The following LSM3 variants were observed in gnomAD, a reference collection of about 807,000 sequenced individuals.
The protein encoded by LSM3 is U6 snRNA-associated Sm-like protein LSm3.
In LSM3, 14 loss-of-function variants were observed where a neutral mutation model predicts 15.4. The ratio of observed to expected loss-of-function variants is 0.91; its 90% CI spans 0.60 to 1.42. The LOEUF (loss-of-function observed/expected upper bound fraction) is 1.42. Ranked by LOEUF, LSM3 falls within the 40% of genes most tolerant of loss-of-function variation. The pLI is 0.00. For missense variants in LSM3, 88 were observed against 127.9 expected (o/e 0.69, Z 1.50); for synonymous variants, 46 against 45.1 (o/e 1.02, Z -0.08).
chr3:14,181,695 T>C, intron 2 of LSM3, 25 bp downstream of exon 2: 1 of 1,484,846 alleles, frequency 6.7e-7, no homozygotes, highest in African/African-American at 1.4e-5. Flanking sequence ...CAAGTTACCT[T>C]GAAATCAGAT....
chr3:14,198,262 T>C lies in LSM3; in HGVS notation c.*146T>C. 1 of 631,292 alleles carries C rather than the reference T, an allele frequency of 1.6e-6. No homozygotes were observed. The highest frequency in any genetic ancestry group is 2.8e-6 in the Non-Finnish European group (1 of 358,590). 39.1% of individuals were successfully genotyped at this position (631,292 alleles called of 1,614,324 possible). On this transcript the variant is annotated 3_prime_UTR_variant, in exon 4 of 4. Coordinates refer to ENST00000306024, the MANE Select transcript of LSM3 (RefSeq NM_014463.3). ...TCTTCCACTCCTGAAATGAGTTGAT[T>C]TGCAGATAACTCACAACTTCTTAAG...
intron 3 of LSM3, among the ~76,000 whole-genome samples, chr3:14,196,208 C>T (rs950989074): frequency 5.9e-5 from 9 of 152,058 alleles, no homozygotes; most frequent in African/African-American, 2.2e-4. Context: ...CCACCTGCCT[C>T]ATCCTCCTAA....
intron 1 of LSM3, among the ~76,000 whole-genome samples, chr3:14,180,729 A>T (rs1007372155): frequency 1.3e-5 from 2 of 148,774 alleles, no homozygotes; most frequent in Non-Finnish European, 3.0e-5. Flanking sequence ...AGAATTACAG[A>T]TGGCATGATT....
At chr3:14,179,080 A>G (rs1019248414) in intron 1 of LSM3, among the ~76,000 whole-genome samples, 199 bp downstream of exon 1, 2 of 152,178 alleles carry the variant, frequency 1.3e-5, no homozygotes, top group African/African-American at 4.8e-5. Flanking sequence ...CCTGATGACT[A>G]TTCTCACACT....
chr3:14,188,947 C>A (rs1346041093), intron 3 of LSM3, among the ~76,000 whole-genome samples: 1 of 152,170 alleles, frequency 6.6e-6, no homozygotes, highest in Non-Finnish European at 1.5e-5. Context: ...TGTTATCCCT[C>A]CCCTAGCCTC....
In LSM3 at chr3:14,181,583, G is replaced by T; in HGVS notation, c.45G>T (p.Glu15Asp). 6.2e-7 allele frequency: 1 copy of T among 1,613,172 alleles called. No individual in the cohort carries two copies. ...AGCAACAAACTACCAACACTGTAGAGGAGCCCCTGGATCTTATCAGGCTCA... is the reference window on the plus strand; with the variant it reads ...AGCAACAAACTACCAACACTGTAGATGAGCCCCTGGATCTTATCAGGCTCA... ...VDQQQTTNTV[E>D]EPLDLIRLSL... is the part of the protein sequence containing the mutation. Residue 15 changes from glutamate (E) to aspartate (D), a missense_variant, in exon 2 of 4, where the codon GAG (glutamate) becomes GAT (aspartate). Transcript: ENST00000306024.
chr3:14,200,458 A>G lies in LSM3; in HGVS notation c.*2342A>G, dbSNP rs1228693228. On this transcript the variant is annotated 3_prime_UTR_variant, in exon 4 of 4. Coordinates refer to ENST00000306024, the MANE Select transcript of LSM3 (RefSeq NM_014463.3). ...CCTTGGACTTCTGAGTCTGCAGAGCACTCGGCTCCAGCCAGCTGGATGGCA... is the reference window on the plus strand; with the variant it reads ...CCTTGGACTTCTGAGTCTGCAGAGCGCTCGGCTCCAGCCAGCTGGATGGCA... 1.3e-5 allele frequency: 2 copies of G among 152,290 alleles called. No homozygotes were observed. Among genetic ancestry groups the G allele is most frequent in the Non-Finnish European group, 2.9e-5 (2 of 68,180 alleles). 9.4% of individuals were successfully genotyped at this position (152,290 alleles called of 1,614,324 possible).
Position 14,199,477 on chromosome 3 carries a change from C to T in LSM3, c.*1361C>T, listed in dbSNP as rs1234082251. 3 of 152,296 alleles carry T rather than the reference C, an allele frequency of 2.0e-5. No individual in the cohort carries two copies. The highest frequency in any genetic ancestry group is 3.9e-4 in the East Asian group (2 of 5,182). The allele number at this position is 152,296 out of a possible 1,614,324, so 9.4% of individuals were successfully genotyped here. A position where few individuals can be genotyped will look rare whatever the true frequency, so the allele number is the denominator to read the frequency against. On this transcript the variant is annotated 3_prime_UTR_variant, in exon 4 of 4. Coordinates refer to ENST00000306024, the MANE Select transcript of LSM3 (RefSeq NM_014463.3). ...CAAGCACGATATGCTCACAAATGCA[C>T]AGTACTTTAAGCCTTGTGCAAGAAA...
At chr3:14,192,769 C>T (rs1299786730) in intron 3 of LSM3, among the ~76,000 whole-genome samples, 10 of 152,148 alleles carry the variant, frequency 6.6e-5, no homozygotes, top group Non-Finnish European at 1.0e-4. Context: ...GCATTTAGCC[C>T]GTTTACATTT....
rs116020160 is a variant in LSM3 at position 14,191,179 on chromosome 3, G to C, written c.229-6857G>C. 2.0e-3 allele frequency among the ~76,000 whole-genome samples: 309 copies of C among 152,262 alleles called. 1 individual carries two copies. The highest frequency in any genetic ancestry group is 6.9e-3 in the African/African-American group (288 of 41,530). ...GCTTTTTGAGGTGCTGCTGGGTTCA[G>C]CTTGCCAGTATTTTATTGAGGATTT... On this transcript the variant is annotated intron_variant, in intron 3 of 3. Transcript: ENST00000306024.
At chr3:14,186,273 A>G (rs1048569175) in intron 3 of LSM3, among the ~76,000 whole-genome samples, 4 of 152,256 alleles carry the variant, frequency 2.6e-5, no homozygotes, top group African/African-American at 9.6e-5. Flanking sequence ...CTCAGAGTAC[A>G]AGACTACATG....
chr3:14,190,311 T>G (rs1265639128), intron 3 of LSM3, among the ~76,000 whole-genome samples: 5 of 152,162 alleles, frequency 3.3e-5, no homozygotes, highest in African/African-American at 4.8e-5. Context: ...TTTAAAGTAG[T>G]TTTTTTCAAT....
intron 2 of LSM3, 50 bp downstream of exon 2, chr3:14,181,720 A>G (rs1367715793): frequency 4.6e-6 from 6 of 1,306,852 alleles, no homozygotes; most frequent in Admixed American, 3.4e-5. Context: ...TCCTACCCCC[A>G]CTCCCTTGAA....
chr3:14,179,411 A>G (rs761207111), intron 1 of LSM3, among the ~76,000 whole-genome samples: 1 of 152,222 alleles, frequency 6.6e-6, no homozygotes, highest in Non-Finnish European at 1.5e-5. Flanking sequence ...GAAACAAGGA[A>G]CTGGTATGCA....
At chr3:14,194,315 C>T (rs1697168600) in intron 3 of LSM3, among the ~76,000 whole-genome samples, 2 of 152,194 alleles carry the variant, frequency 1.3e-5, no homozygotes, top group South Asian at 2.1e-4. Context: ...TCTTCAGAGC[C>T]GTCAGGCAGA....
At chr3:14,189,101 C>T (rs890291747) in intron 3 of LSM3, among the ~76,000 whole-genome samples, 1 of 152,108 alleles carries the variant, frequency 6.6e-6, no homozygotes, top group Admixed American at 6.6e-5. Flanking sequence ...TGGTTTCCAG[C>T]TTCATCCATG....
chr3:14,186,928 G>A (rs1697095061), intron 3 of LSM3, among the ~76,000 whole-genome samples: 1 of 152,234 alleles, frequency 6.6e-6, no homozygotes, highest in African/African-American at 2.4e-5. Context: ...TATGGAATAT[G>A]TGGCTTTAAT....
chr3:14,198,145 G>C lies in LSM3; in HGVS notation c.*29G>C, dbSNP rs755227352. ...AAAGAATTTGTCCTGTATGGAAAAC[G>C]GGAGACTTTGTACAGTGGCCTCTCT... On this transcript the variant is annotated 3_prime_UTR_variant, in exon 4 of 4. Coordinates refer to ENST00000306024, the MANE Select transcript of LSM3 (RefSeq NM_014463.3). 2 of 1,554,296 alleles carry C rather than the reference G, an allele frequency of 1.3e-6. No homozygotes were observed. The highest frequency in any genetic ancestry group is 1.1e-5 in the South Asian group (1 of 89,802).
At position 14,181,656 on chromosome 3, in the gene LSM3, C is replaced by G; in HGVS notation, c.118C>G (p.Arg40Gly). Residue 40 changes from arginine (R) to glycine (G), a missense_variant, in exon 2 of 4, where the codon CGA becomes GGA. Coordinates refer to ENST00000306024, the MANE Select transcript of LSM3 (RefSeq NM_014463.3). ...YVKMRNDREL[R>G]GRLHAYDQHL... ...GAAAATGAGAAATGACCGAGAGCTT[C>G]GAGGCAGATTACATGTAAGTAAATT... The G allele has an allele frequency of 6.2e-7, 1 of 1,611,850 alleles. No individual in the cohort carries two copies. The highest frequency in any genetic ancestry group is 1.1e-5 in the South Asian group (1 of 91,030).
Sources: gnomAD v4.1 joint callset for allele counts (sites outside exome capture counted in the v4.1 genomes callset) on GRCh38, gnomAD v4.1.1 for gene constraint, MANE v1.5 for transcripts, NCBI Gene and HGNC (gene_info 2026-07-23, HGNC 2026-07-21) for gene names.